NCKAP5: variants seen among roughly 807,000 people sequenced by gnomAD.
NCKAP5 encodes the protein nck-associated protein 5.
NCKAP5 carries 92 observed loss-of-function variants against 167.0 expected under a neutral mutation model. The observed-to-expected ratio is 0.55, with a 90% CI of 0.47 to 0.66. NCKAP5 has a LOEUF of 0.66. Ranked by LOEUF, NCKAP5 falls within the 30% of genes least tolerant of loss-of-function variation. The pLI is 0.00. For missense variants in NCKAP5, 2,378 were observed against 2,315.0 expected, an observed-to-expected ratio of 1.03 and a Z score of -0.56; for synonymous variants, 891 against 877.4, an observed-to-expected ratio of 1.02 and a Z score of -0.27.
chr2:133,507,930 A>G (rs1016273575), intron 3 of NCKAP5, among the ~76,000 whole-genome samples: 27 of 152,226 alleles, frequency 1.8e-4, no homozygotes, highest in Admixed American at 1.6e-3. Context: ...GTGGTAAATT[A>G]GTGTAAGATA....
chr2:133,395,468 G>A (rs1392092653), intron 3 of NCKAP5, among the ~76,000 whole-genome samples: 4 of 152,108 alleles, frequency 2.6e-5, no homozygotes, highest in East Asian at 3.8e-4. Flanking sequence ...CATGGTTAAC[G>A]TGCAGGAGAG....
chr2:132,913,637 C>T (rs545747862), intron 8 of NCKAP5, among the ~76,000 whole-genome samples: 4 of 152,036 alleles, frequency 2.6e-5, no homozygotes, highest in Non-Finnish European at 5.9e-5. Flanking sequence ...GGGAGGTGGA[C>T]GCTGATAAAG....
intron 4 of NCKAP5, among the ~76,000 whole-genome samples, chr2:133,282,023 G>A (rs955393397): frequency 6.6e-6 from 1 of 152,124 alleles, no homozygotes; most frequent in Non-Finnish European, 1.5e-5. Context: ...ATTCTATCAC[G>A]TGCCTATAAG....
intron 3 of NCKAP5, among the ~76,000 whole-genome samples, chr2:133,469,530 T>C (rs1022019678): frequency 2.0e-4 from 30 of 152,156 alleles, no homozygotes; most frequent in African/African-American, 6.7e-4. Flanking sequence ...TGGCACTCTC[T>C]GTATTTCCTG....
At chr2:132,912,173 C>T (rs1694505584) in intron 8 of NCKAP5, among the ~76,000 whole-genome samples, 1 of 151,958 alleles carries the variant, frequency 6.6e-6, no homozygotes, top group Non-Finnish European at 1.5e-5. Flanking sequence ...TTGGGCACCT[C>T]CAACAGGACC....
rs1331849144 is a variant in NCKAP5 at position 133,468,069 on chromosome 2, C to T, written c.69+49389G>A. The stretch of plus-strand genomic sequence containing the variant: ...TTCTGATAGCTTTTGAATGTGTTTG[C>T]TCTTGCTTTTCTAGTTCTTTTAATT... On this transcript the variant is annotated intron_variant, in intron 3 of 19. Coordinates refer to ENST00000409261, the MANE Select transcript of NCKAP5 (RefSeq NM_207363.3). Among the ~76,000 whole-genome samples the T allele has an allele frequency of 4.3e-5, 5 of 116,020 alleles. 1 individual carries two copies. The highest frequency in any genetic ancestry group is 8.5e-5 in the Non-Finnish European group (5 of 58,972). The allele number at this position is 116,020 out of a possible 152,430, so 76.1% of individuals were successfully genotyped here.
At chr2:133,038,574 C>G (rs2079110576) in intron 6 of NCKAP5, among the ~76,000 whole-genome samples, 1 of 151,988 alleles carries the variant, frequency 6.6e-6, no homozygotes, top group South Asian at 2.1e-4. Flanking sequence ...AACAGAAGGA[C>G]TATAGTCAAT....
chr2:133,644,753 A>G, the NCKAP5 span, among the ~76,000 whole-genome samples: 2 of 152,178 alleles, frequency 1.3e-5, no homozygotes, highest in Admixed American at 1.3e-4. Context: ...TACTATTTAC[A>G]ATTTTTTTTC....
chr2:133,455,516 A>C (rs180909786), intron 3 of NCKAP5, among the ~76,000 whole-genome samples: 2 of 152,204 alleles, frequency 1.3e-5, no homozygotes, highest in East Asian at 3.9e-4. Flanking sequence ...TCATATTTAG[A>C]ATGGTCTATA....
intron 3 of NCKAP5, among the ~76,000 whole-genome samples, chr2:133,367,463 C>T (rs1416365882): frequency 1.3e-5 from 2 of 152,202 alleles, no homozygotes; most frequent in Admixed American, 6.5e-5. Flanking sequence ...AAAACCACTA[C>T]TGTACCACCC....
At chr2:133,518,914 T>C (rs1454758495) in intron 2 of NCKAP5, among the ~76,000 whole-genome samples, 3 of 152,176 alleles carry the variant, frequency 2.0e-5, no homozygotes, top group Non-Finnish European at 4.4e-5. Flanking sequence ...GATATAGAAA[T>C]TGCTCATAAT....
intron 3 of NCKAP5, among the ~76,000 whole-genome samples, chr2:133,448,836 C>G (rs1235504275): frequency 2.0e-5 from 3 of 152,068 alleles, no homozygotes; most frequent in Non-Finnish European, 4.4e-5. Flanking sequence ...GACGAGGTCT[C>G]ACCATGTTGC....
At chr2:133,575,170 G>A in the NCKAP5 span, among the ~76,000 whole-genome samples, 5 of 152,220 alleles carry the variant, frequency 3.3e-5, no homozygotes, top group East Asian at 1.9e-4. Context: ...CCCCTGAGAC[G>A]CCAGGAAAGT....
In NCKAP5 at chr2:132,790,161, C is replaced by T; in HGVS notation, c.954G>A (p.Leu318=). Residue 318 remains leucine (L), a synonymous_variant, in exon 13 of 20, where the codon TTG becomes TTA. Transcript: ENST00000409261. The part of the protein sequence containing the change: ...NTKSALKCPG[L]GAVIPGHLCP... ...AGAGATGACCAGGGATGACAGCCCC[C>T]AAGCCAGGGCATTTCAAGGCCGATT... The T allele has an allele frequency of 6.2e-7, 1 of 1,613,600 alleles. No homozygotes were observed. Among genetic ancestry groups the T allele is most frequent in the Non-Finnish European group, 8.5e-7 (1 of 1,179,782 alleles).
chr2:133,547,029 C>G (rs1269796601), intron 2 of NCKAP5, among the ~76,000 whole-genome samples: 3 of 152,072 alleles, frequency 2.0e-5, no homozygotes, highest in African/African-American at 7.2e-5. Context: ...GCGCACCGTG[C>G]GCGAGCTGAA....
intron 19 of NCKAP5, among the ~76,000 whole-genome samples, chr2:132,709,581 A>C (rs1013026187): frequency 2.6e-5 from 4 of 152,140 alleles, no homozygotes. Context: ...ATGAAAACTT[A>C]GACAAAAGGG....
chr2:133,145,240 A>C (rs1416967858), intron 5 of NCKAP5, among the ~76,000 whole-genome samples: 1 of 152,086 alleles, frequency 6.6e-6, no homozygotes, highest in African/African-American at 2.4e-5. Flanking sequence ...CTCTCTACCA[A>C]AAGTTTTATA....
intron 11 of NCKAP5, among the ~76,000 whole-genome samples, chr2:132,845,291 T>A (rs1007054824): frequency 6.6e-6 from 1 of 152,202 alleles, no homozygotes; most frequent in African/African-American, 2.4e-5. Flanking sequence ...CAACCAAAAT[T>A]TTAAAATTTT....
chr2:133,189,670 C>T (rs1267381784), intron 5 of NCKAP5, among the ~76,000 whole-genome samples: 2 of 152,100 alleles, frequency 1.3e-5, no homozygotes, highest in Non-Finnish European at 2.9e-5. Flanking sequence ...ATAAACAGAA[C>T]AAAAGACAAA....
Sources: gnomAD v4.1 joint callset for allele counts (sites outside exome capture counted in the v4.1 genomes callset) on GRCh38, gnomAD v4.1.1 for gene constraint, MANE v1.5 for transcripts, NCBI Gene and HGNC (gene_info 2026-07-23, HGNC 2026-07-21) for gene names.